MACF1: variants seen among roughly 807,000 people sequenced by gnomAD.
MACF1 encodes the protein microtubule actin crosslinking factor 1, also known as microtubule-actin cross-linking factor 1.
MACF1 carries 193 observed loss-of-function variants against 854.8 expected under a neutral mutation model. That is an observed-to-expected ratio of 0.23 (90% confidence interval 0.20 to 0.25). MACF1 has a LOEUF of 0.25. MACF1 is among the 10% of genes least tolerant of loss of function. The probability of loss-of-function intolerance (pLI) is 1.00; values close to 1 mark genes in which losing one functional copy is unlikely to be tolerated. For synonymous variants in MACF1, 3,185 were observed against 3,226.7 expected (o/e 0.99, Z 0.44); for missense variants, 7,722 against 8,929.1 (o/e 0.86, Z 5.45).
At chr1:39,092,644 A>G (rs989725791) in intron 2 of MACF1, among the ~76,000 whole-genome samples, 9 of 152,202 alleles carry the variant, frequency 5.9e-5, no homozygotes, top group African/African-American at 1.9e-4. Flanking sequence ...GATATTTCAA[A>G]CATAGTAAAG....
intron 2 of MACF1, among the ~76,000 whole-genome samples, chr1:39,113,014 C>T (rs887769624): frequency 1.3e-5 from 2 of 152,068 alleles, no homozygotes. Flanking sequence ...ATCCCTTAAT[C>T]TAACCTCATG....
chr1:39,161,540 A>G (rs540952624), intron 2 of MACF1, among the ~76,000 whole-genome samples: 1 of 151,910 alleles, frequency 6.6e-6, no homozygotes, highest in Admixed American at 6.6e-5. Context: ...CCCTGTCTCT[A>G]AAAACAAGCA....
intron 2 of MACF1, among the ~76,000 whole-genome samples, chr1:39,174,656 T>C (rs1429686179): frequency 2.0e-5 from 3 of 152,224 alleles, no homozygotes; most frequent in African/African-American, 7.2e-5. Flanking sequence ...AACTACTCTT[T>C]GGCAAAAGCA....
At position 39,250,093 on chromosome 1, in the gene MACF1, G is replaced by A; in HGVS notation, c.251G>A (p.Gly84Asp). ...ATCTCTCTGTTGGAGGTCCTCTCAGGCATCAAACTGGTGAGCTTCTCCTAA... is the reference window on the plus strand; with the variant it reads ...ATCTCTCTGTTGGAGGTCCTCTCAGACATCAAACTGGTGAGCTTCTCCTAA... ...NLISLLEVLS[G>D]IKLEPAGLKT... The change falls in exon 3 of 101, where the codon GGC becomes GAC. Residue 84 changes from glycine to aspartate, a missense_variant. This residue lies in a region of MACF1 where 82 missense variants were observed against 84.0 expected (regional missense o/e 0.98). Coordinates refer to ENST00000564288, the MANE Select transcript of MACF1 (RefSeq NM_001394062.1). 6.2e-7 allele frequency: 1 copy of A among 1,611,374 alleles called. No homozygotes were observed. The highest frequency in any genetic ancestry group is 8.5e-7 in the Non-Finnish European group (1 of 1,177,696).
At chr1:39,112,891 G>A (rs1324806652) in intron 2 of MACF1, among the ~76,000 whole-genome samples, 1 of 151,928 alleles carries the variant, frequency 6.6e-6, no homozygotes, top group Non-Finnish European at 1.5e-5. Flanking sequence ...GCTGAAGTAG[G>A]AGGATCGCTT....
chr1:39,461,811 A>T, intron 92 of MACF1, 72 bp from the exon 93 acceptor site: 1 of 1,024,268 alleles, frequency 9.8e-7, no homozygotes, highest in Non-Finnish European at 1.4e-6. Context: ...AAAAAAAAAA[A>T]AAAAAAATCT....
At chr1:39,258,376 TGATGCTTTA>T (rs1557548113) in intron 6 of MACF1, among the ~76,000 whole-genome samples, 1 of 152,242 alleles carries the variant, frequency 6.6e-6, no homozygotes, top group Non-Finnish European at 1.5e-5. Flanking sequence ...CTGTTGGTGT[TGATGCTTTA>T]GAATGGTGGA....
At position 39,485,837 on chromosome 1, in the gene MACF1, G is replaced by A; in HGVS notation, c.*43G>A. ...CAAGCCACTATCCACTTTGAATCCTGCTCCATACATTGGGTGTATATTTAT... is the reference window on the plus strand; with the variant it reads ...CAAGCCACTATCCACTTTGAATCCTACTCCATACATTGGGTGTATATTTAT... On this transcript the variant is annotated 3_prime_UTR_variant, in exon 101 of 101. Transcript: ENST00000564288. 6.6e-7 allele frequency: 1 copy of A among 1,522,806 alleles called. No individual in the cohort carries two copies. 94.3% of individuals were successfully genotyped at this position (1,522,806 alleles called of 1,614,324 possible). A position where few individuals can be genotyped will look rare whatever the true frequency, so the allele number is the denominator to read the frequency against.
intron 36 of MACF1, among the ~76,000 whole-genome samples, chr1:39,328,179 G>C (rs1034036008): frequency 6.6e-6 from 1 of 152,200 alleles, no homozygotes; most frequent in Non-Finnish European, 1.5e-5. Flanking sequence ...ACAGGAGCTA[G>C]AGTTGTAAAA....
chr1:39,123,712 G>GTTT (rs1206815949), intron 2 of MACF1, among the ~76,000 whole-genome samples: 4 of 77,486 alleles, frequency 5.2e-5, no homozygotes, highest in African/African-American at 1.5e-4. Flanking sequence ...GCTAATTCTT[G>GTTT]TTTTGTTTTT....
intron 1 of MACF1, among the ~76,000 whole-genome samples, chr1:39,210,459 C>T (rs1422978674): frequency 1.3e-5 from 2 of 151,528 alleles, no homozygotes; most frequent in African/African-American, 4.8e-5. Context: ...CTTAGCCTCC[C>T]AAGTAGCTGG....
chr1:39,452,519 A>G lies in MACF1; in HGVS notation c.20614-165A>G, dbSNP rs1644358986. The G allele has an allele frequency of 9.7e-6, 11 of 1,136,330 alleles. 1 individual carries two copies. The South Asian group carries it at 1.5e-4, about 16-fold the overall frequency. 70.4% of individuals were successfully genotyped at this position (1,136,330 alleles called of 1,614,324 possible). ...TAATATTCATTTTGAGAAATAATGA[A>G]TTCAGTTGATTTTCAAAGATCTACA... On this transcript the variant is annotated intron_variant, in intron 86 of 100. Coordinates refer to ENST00000564288, the MANE Select transcript of MACF1 (RefSeq NM_001394062.1).
rs796978200 is a variant in MACF1, at chr1:39,303,241, A to G, written c.2789+163A>G. On this transcript the variant is annotated intron_variant, in intron 23 of 100. Transcript: ENST00000564288. ...TATCAAGTCTCCTACTACCAGCCAC[A>G]TAGTAGATCTTCAATAAATACTTCT... 1.4e-4 allele frequency among the ~76,000 whole-genome samples: 22 copies of G among 152,360 alleles called. 1 individual carries two copies. Among genetic ancestry groups the G allele is most frequent in the African/African-American group, 5.3e-4 (22 of 41,580 alleles).
At chr1:39,157,633 G>A (rs188948415) in intron 2 of MACF1, among the ~76,000 whole-genome samples, 2 of 152,304 alleles carry the variant, frequency 1.3e-5, no homozygotes, top group East Asian at 1.9e-4. Flanking sequence ...CAGATTTGGG[G>A]AACATAGCTT....
rs566899522 is a variant in MACF1 at position 39,285,094 on chromosome 1, A to G, written c.1143A>G (p.Glu381=). The G allele has an allele frequency of 5.9e-5, 95 of 1,614,154 alleles. No homozygotes were observed. The East Asian group carries it at 1.4e-3, about 25-fold the overall frequency. ...AGTATCTGTTTCAGGTGTGGATTGA[A>G]TTTGGCCGAATTAAACTGCCTCAAG... is the stretch of plus-strand genomic sequence containing the variant. ...ELYKLLEVWI[E]FGRIKLPQGY... is the part of the protein sequence containing the mutation. The change falls in exon 12 of 101, where the codon GAA becomes GAG. Residue 381 remains glutamate (E), a synonymous_variant. Transcript: ENST00000564288.
chr1:39,475,528 G>A (rs1392103094), intron 97 of MACF1, among the ~76,000 whole-genome samples: 1 of 151,836 alleles, frequency 6.6e-6, no homozygotes, highest in Non-Finnish European at 1.5e-5. Context: ...CTGGGTGGGT[G>A]GTGAGATGAG....
chr1:39,307,061 G>T (rs1646196654), intron 23 of MACF1, among the ~76,000 whole-genome samples: 1 of 151,694 alleles, frequency 6.6e-6, no homozygotes, highest in Non-Finnish European at 1.5e-5. Flanking sequence ...TTTTAGTAAA[G>T]ACAGGGTTTC....
intron 54 of MACF1, 73 bp from the exon 55 acceptor site, chr1:39,380,171 A>G (rs1410478606): frequency 4.4e-5 from 67 of 1,513,058 alleles, no homozygotes; most frequent in East Asian, 6.9e-5. Context: ...CAGTTTTCCA[A>G]TCATTTCTAC....
intron 79 of MACF1, 25 bp from the exon 80 acceptor site, chr1:39,444,637 A>T: frequency 1.3e-6 from 2 of 1,593,840 alleles, no homozygotes; most frequent in African/African-American, 1.3e-5. Flanking sequence ...CGTAGAATTG[A>T]TATCTTTCCT....
Sources: allele counts gnomAD v4.1 joint callset (sites outside exome capture counted in the v4.1 genomes callset), GRCh38; gene constraint gnomAD v4.1.1; regional missense constraint gnomAD v4.1.1; transcripts MANE v1.5; gene names NCBI Gene and HGNC (gene_info 2026-07-23, HGNC 2026-07-21).